Variants in TLE1 observed in about 807,000 individuals in gnomAD.
The protein encoded by TLE1 is transducin-like enhancer protein 1.
Under a neutral mutation model 89.8 loss-of-function variants are expected in TLE1, and 21 were observed. The observed-to-expected ratio is 0.23, with a 90% CI of 0.17 to 0.34. The LOEUF (loss-of-function observed/expected upper bound fraction) is 0.34, where lower values mean the gene tolerates loss of function less well. Among genes scored for constraint, TLE1 ranks in the 10% least tolerant of loss-of-function variants. The probability of loss-of-function intolerance (pLI) is 1.00; values close to 1 mark genes in which losing one functional copy is unlikely to be tolerated. For synonymous variants in TLE1, 447 were observed against 407.6 expected, an observed-to-expected ratio of 1.10 and a Z score of -1.16; for missense variants, 795 against 1,031.2, an observed-to-expected ratio of 0.77 and a Z score of 3.14.
intron 14 of TLE1, among the ~76,000 whole-genome samples, chr9:81,601,270 A>G (rs540295651): frequency 5.9e-5 from 9 of 152,348 alleles, no homozygotes; most frequent in Non-Finnish European, 1.3e-4. Flanking sequence ...TCTTGGCTAA[A>G]AGCCTGGAAA....
chr9:81,602,081 G>C (rs1438071597), intron 14 of TLE1, among the ~76,000 whole-genome samples: 1 of 152,148 alleles, frequency 6.6e-6, no homozygotes, highest in Non-Finnish European at 1.5e-5. Flanking sequence ...ATCCATGAAG[G>C]CTTCATGAAG....
chr9:81,686,603 G>A lies in TLE1; in HGVS notation c.126-707C>T, dbSNP rs931155201. Among the ~76,000 whole-genome samples, 4 of 152,194 alleles carry A rather than the reference G, an allele frequency of 2.6e-5. No homozygotes were observed. The South Asian group carries it at 8.3e-4, about 32-fold the overall frequency. ...GACAAAAGCAAAAAATGTCAATACAGTTATTTCTGAGTTAGAATCAGGTAA... is the reference window on the plus strand; with the variant it reads ...GACAAAAGCAAAAAATGTCAATACAATTATTTCTGAGTTAGAATCAGGTAA... On this transcript the variant is annotated intron_variant, in intron 2 of 19. Coordinates refer to ENST00000376499, the MANE Select transcript of TLE1 (RefSeq NM_005077.5).
At chr9:81,615,544 C>CAA (rs530072232) in intron 11 of TLE1, among the ~76,000 whole-genome samples, 1,063 of 101,152 alleles carry the variant, frequency 0.011, 11 homozygotes, top group Middle Eastern at 0.033. Flanking sequence ...ACTAAAAATA[C>CAA]AAAAAAAAAA....
At chr9:81,674,909 C>A (rs1408012945) in intron 4 of TLE1, among the ~76,000 whole-genome samples, 2 of 152,098 alleles carry the variant, frequency 1.3e-5, no homozygotes, top group Non-Finnish European at 2.9e-5. Flanking sequence ...AATCCCAGCC[C>A]TTTGGGAGGC....
intron 14 of TLE1, among the ~76,000 whole-genome samples, chr9:81,599,150 GTCAACC>G (rs1830591310): frequency 6.6e-6 from 1 of 152,170 alleles, no homozygotes; most frequent in East Asian, 1.9e-4. Flanking sequence ...GCGCAATATA[GTCAACC>G]TTTGTTTGCC....
rs151182832 is a variant in TLE1, at chr9:81,650,290, G to A, written c.372+1924C>T. On this transcript the variant is annotated intron_variant, in intron 6 of 19. Coordinates refer to ENST00000376499, the MANE Select transcript of TLE1 (RefSeq NM_005077.5). ...CTTCCTAAAGTGTAGGTGCAAAGGA[G>A]ATTCACAAGAGCTGGGCGGTGCCTT... Among the ~76,000 whole-genome samples, 870 of 152,342 alleles carry A rather than the reference G, an allele frequency of 5.7e-3. 9 individuals are homozygous for A. The highest frequency in any genetic ancestry group is 0.02 in the African/African-American group (825 of 41,582).
At chr9:81,676,103 T>C (rs1020016137) in intron 4 of TLE1, among the ~76,000 whole-genome samples, 5 of 152,130 alleles carry the variant, frequency 3.3e-5, no homozygotes, top group African/African-American at 1.2e-4. Flanking sequence ...GGCAAAGCTA[T>C]CCTGGGTATT....
At chr9:81,655,033 A>C (rs549669792) in intron 4 of TLE1, among the ~76,000 whole-genome samples, 3 of 152,266 alleles carry the variant, frequency 2.0e-5, no homozygotes, top group Admixed American at 1.3e-4. Flanking sequence ...GAACATAATA[A>C]AAGGTGTCCT....
chr9:81,679,983 T>C lies in TLE1; in HGVS notation c.234+5693A>G, dbSNP rs974833844. The stretch of plus-strand genomic sequence containing the variant: ...CACTCAAGATGATTTATTTAAATAT[T>C]TACTAAAGAAACAGATTTTCTTTCT... On this transcript the variant is annotated intron_variant, in intron 4 of 19. Coordinates refer to ENST00000376499, the MANE Select transcript of TLE1 (RefSeq NM_005077.5). Among the ~76,000 whole-genome samples the C allele has an allele frequency of 5.9e-5, 9 of 152,298 alleles. 1 individual carries two copies. The highest frequency in any genetic ancestry group is 2.2e-4 in the African/African-American group (9 of 41,568).
chr9:81,609,288 T>A (rs62576160), intron 14 of TLE1, among the ~76,000 whole-genome samples: 7,204 of 152,208 alleles, frequency 0.047, 293 homozygotes, highest in Admixed American at 0.11. Context: ...TTTCGCCACA[T>A]TGGCCAGGCT....
At chr9:81,657,831 T>A (rs1032239875) in intron 4 of TLE1, among the ~76,000 whole-genome samples, 6 of 151,628 alleles carry the variant, frequency 4.0e-5, no homozygotes, top group Non-Finnish European at 7.4e-5. Flanking sequence ...ATGTAAATCC[T>A]AGGTAAATGG....
At chr9:81,684,305 C>A (rs1422153442) in intron 4 of TLE1, among the ~76,000 whole-genome samples, 4 of 151,990 alleles carry the variant, frequency 2.6e-5, no homozygotes, top group Non-Finnish European at 4.4e-5. Context: ...CACACAAAAA[C>A]AAAGGCACAA....
rs1210567954 is a variant in TLE1 at position 81,593,106 on chromosome 9, G to A, written c.1500C>T (p.Tyr500=). 6.2e-7 allele frequency: 1 copy of A among 1,614,156 alleles called. No homozygotes were observed. Among genetic ancestry groups the A allele is most frequent in the South Asian group, 1.1e-5 (1 of 91,086 alleles). Residue 500 remains tyrosine, a synonymous_variant, in exon 15 of 20, where the codon TAC becomes TAT. Transcript: ENST00000376499. Reference sequence around the variant, plus strand: ...CCTTGACGCAGCCCTTCCCGCCTGTGTACACGTGTCTCGTGGGGTTGCTGA... The same window carrying A: ...CCTTGACGCAGCCCTTCCCGCCTGTATACACGTGTCTCGTGGGGTTGCTGA... ...VTISNPTRHV[Y]TGGKGCVKVW... is the part of the protein sequence containing the mutation.
At chr9:81,637,696 AG>A (rs1401019987) in intron 6 of TLE1, among the ~76,000 whole-genome samples, 2 of 151,098 alleles carry the variant, frequency 1.3e-5, no homozygotes, top group Non-Finnish European at 2.9e-5. Flanking sequence ...AGGAGTACTA[AG>A]TAACAATCAA....
chr9:81,620,168 C>T (rs889328191), intron 9 of TLE1, among the ~76,000 whole-genome samples: 1 of 152,162 alleles, frequency 6.6e-6, no homozygotes, highest in Admixed American at 6.5e-5. Context: ...AAGAGCAGGG[C>T]CCTGAGCAAC....
chr9:81,655,165 A>G (rs1156593429), intron 4 of TLE1, among the ~76,000 whole-genome samples: 2 of 152,052 alleles, frequency 1.3e-5, no homozygotes, highest in Admixed American at 1.3e-4. Context: ...GGAGTTCAAG[A>G]CCAGCCTAGC....
intron 4 of TLE1, among the ~76,000 whole-genome samples, chr9:81,680,724 T>G (rs954232758): frequency 6.6e-6 from 1 of 151,974 alleles, no homozygotes; most frequent in African/African-American, 2.4e-5. Flanking sequence ...AACTTATGCT[T>G]GCAAAGAACA....
intron 6 of TLE1, among the ~76,000 whole-genome samples, chr9:81,638,684 G>A (rs1827714315): frequency 6.6e-6 from 1 of 151,598 alleles, no homozygotes; most frequent in Non-Finnish European, 1.5e-5. Context: ...GAATACAGTG[G>A]CGCAATCTTG....
chr9:81,639,879 G>A (rs764459748), intron 6 of TLE1, among the ~76,000 whole-genome samples: 16 of 151,968 alleles, frequency 1.1e-4, no homozygotes, highest in African/African-American at 2.4e-4. Flanking sequence ...GAACCACCGC[G>A]CCCAGCTGAG....
Sources: gnomAD v4.1 joint callset for allele counts (sites outside exome capture counted in the v4.1 genomes callset) on GRCh38, gnomAD v4.1.1 for gene constraint, MANE v1.5 for transcripts, NCBI Gene and HGNC (gene_info 2026-07-23, HGNC 2026-07-21) for gene names.